Variants in ADK observed in about 807,000 individuals in gnomAD.
ADK encodes adenosine kinase.
A neutral mutation model predicts 44.7 loss-of-function variants in ADK; 24 were observed. The observed-to-expected ratio is 0.54, with a 90% CI of 0.39 to 0.76. The LOEUF (loss-of-function observed/expected upper bound fraction) is 0.76, where lower values mean the gene tolerates loss of function less well. ADK is among the 30% of genes least tolerant of loss of function. The pLI, the probability that ADK is intolerant of heterozygous loss-of-function variation, is 0.00. For synonymous variants in ADK, 128 were observed against 142.6 expected (o/e 0.90, Z 0.73); for missense variants, 321 against 425.1 (o/e 0.76, Z 2.15).
intron 7 of ADK, among the ~76,000 whole-genome samples, chr10:74,558,551 A>C (rs1474042197): frequency 1.3e-5 from 2 of 152,198 alleles, no homozygotes; most frequent in Non-Finnish European, 2.9e-5. Flanking sequence ...ACTGTGTAAG[A>C]TGCACCTTGC....
At chr10:74,639,310 A>G (rs920119727) in intron 9 of ADK, among the ~76,000 whole-genome samples, 1 of 152,198 alleles carries the variant, frequency 6.6e-6, no homozygotes, top group Non-Finnish European at 1.5e-5. Flanking sequence ...ATATCCTTTT[A>G]TACAGCAATT....
chr10:74,233,511 T>C (rs1184310375), intron 3 of ADK, among the ~76,000 whole-genome samples: 2 of 152,190 alleles, frequency 1.3e-5, no homozygotes, highest in African/African-American at 4.8e-5. Context: ...TGGAATGTAA[T>C]GGCTACTGCT....
intron 9 of ADK, among the ~76,000 whole-genome samples, chr10:74,608,530 A>G (rs1182833510): frequency 1.3e-5 from 2 of 151,892 alleles, no homozygotes; most frequent in Non-Finnish European, 2.9e-5. Flanking sequence ...TCCACTCCAG[A>G]CCCTGTTTGC....
chr10:74,667,310 G>A (rs879046341), intron 9 of ADK, among the ~76,000 whole-genome samples: 1 of 152,084 alleles, frequency 6.6e-6, no homozygotes, highest in Admixed American at 6.6e-5. Flanking sequence ...CGCATCTTTT[G>A]CATATATGAT....
rs577689603 is a variant in ADK, at chr10:74,549,372, T to C, written c.726+23946T>C. On this transcript the variant is annotated intron_variant, in intron 7 of 10. Coordinates refer to ENST00000539909, the MANE Select transcript of ADK (RefSeq NM_006721.4). ...AACACTCTTTGGACTATTACACTTA[T>C]ACATCTTTTAAAATCTTTTTATATG... 5.9e-5 allele frequency among the ~76,000 whole-genome samples: 9 copies of C among 152,342 alleles called. No individual in the cohort carries two copies. In the South Asian group the frequency reaches 1.4e-3, roughly 25 times the overall value.
intron 6 of ADK, among the ~76,000 whole-genome samples, chr10:74,455,137 A>C (rs1845899079): frequency 6.6e-6 from 1 of 152,196 alleles, no homozygotes. Flanking sequence ...TATAAGGATA[A>C]AATGAGACAA....
intron 4 of ADK, among the ~76,000 whole-genome samples, chr10:74,342,863 T>C (rs1211821081): frequency 6.6e-6 from 1 of 151,764 alleles, no homozygotes; most frequent in East Asian, 1.9e-4. Context: ...CTTACTTAGC[T>C]CTAATATTTT....
Position 74,162,788 on chromosome 10 carries a change from C to G in ADK, c.65+11445C>G, listed in dbSNP as rs369423149. Among the ~76,000 whole-genome samples, 38 of 152,172 alleles carry G rather than the reference C, an allele frequency of 2.5e-4. 1 individual carries two copies. The Middle Eastern group carries it at 0.01, about 41-fold the overall frequency. ...GAACTCCTAACCTCAAGTGATCTGCCTGGCTTGGCCTCCCAAAGTTCTGGG... is the reference window on the plus strand; with the variant it reads ...GAACTCCTAACCTCAAGTGATCTGCGTGGCTTGGCCTCCCAAAGTTCTGGG... On this transcript the variant is annotated intron_variant, in intron 1 of 10. Transcript: ENST00000539909.
chr10:74,360,888 C>T (rs1300690157), intron 4 of ADK, among the ~76,000 whole-genome samples: 2 of 152,096 alleles, frequency 1.3e-5, no homozygotes, highest in African/African-American at 4.8e-5. Context: ...TTTTTAAAAT[C>T]CATTCACCCA....
At chr10:74,218,479 G>A (rs1410845781) in intron 2 of ADK, among the ~76,000 whole-genome samples, 1 of 152,140 alleles carries the variant, frequency 6.6e-6, no homozygotes, top group South Asian at 2.1e-4. Flanking sequence ...CTGCAATCTA[G>A]CAAGGCAGCC....
At chr10:74,472,832 A>G in intron 6 of ADK, among the ~76,000 whole-genome samples, 1 of 151,828 alleles carries the variant, frequency 6.6e-6, no homozygotes, top group East Asian at 1.9e-4. Context: ...TCCATACTCT[A>G]TTTTGTCTTT....
intron 6 of ADK, among the ~76,000 whole-genome samples, chr10:74,504,394 G>A (rs376394971): frequency 4.0e-5 from 6 of 151,856 alleles, no homozygotes; most frequent in African/African-American, 1.5e-4. Flanking sequence ...GGGGTTAGAG[G>A]CACTCCCCTC....
At chr10:74,308,719 C>G (rs1163440974) in intron 3 of ADK, among the ~76,000 whole-genome samples, 1 of 152,080 alleles carries the variant, frequency 6.6e-6, no homozygotes, top group Non-Finnish European at 1.5e-5. Flanking sequence ...AATCACATGT[C>G]CTATTCTTCA....
In ADK at chr10:74,418,044, G is replaced by A. The variant is rs959236433; in HGVS notation, c.555+19465G>A. 2.0e-5 allele frequency among the ~76,000 whole-genome samples: 3 copies of A among 151,988 alleles called. No homozygotes were observed. In the East Asian group the frequency reaches 5.8e-4, roughly 29 times the overall value. Reference sequence around the variant, plus strand: ...GAAAGAAACAGCTAAAAGATACATAGGTTATTTTGCTTTTTAAAATTTTAG... The same window carrying A: ...GAAAGAAACAGCTAAAAGATACATAAGTTATTTTGCTTTTTAAAATTTTAG... On this transcript the variant is annotated intron_variant, in intron 6 of 10. Transcript: ENST00000539909.
At chr10:74,151,709 G>A (rs1173286149) in intron 1 of ADK, among the ~76,000 whole-genome samples, 1 of 152,232 alleles carries the variant, frequency 6.6e-6, no homozygotes, top group African/African-American at 2.4e-5. Flanking sequence ...GGGGGATGGC[G>A]GGAAAGAGGC....
chr10:74,242,354 G>A (rs1845243730), intron 3 of ADK, among the ~76,000 whole-genome samples: 1 of 152,182 alleles, frequency 6.6e-6, no homozygotes, highest in African/African-American at 2.4e-5. Flanking sequence ...ATAAGGGAAT[G>A]GGCTTATATC....
intron 4 of ADK, among the ~76,000 whole-genome samples, chr10:74,359,535 G>A (rs144762955): frequency 5.1e-4 from 78 of 152,054 alleles, no homozygotes; most frequent in African/African-American, 1.8e-3. Context: ...TGGCGTGACC[G>A]TCCCTACAAA....
chr10:74,303,585 GTTGTTTTTTTTTTTT>G lies in ADK; in HGVS notation c.195-11079_195-11065del, dbSNP rs1048422762. On this transcript the variant is annotated intron_variant, in intron 3 of 10. Transcript: ENST00000539909. ...AAACACTTTTCATATTGGTTTTAAT[GTTGTTTTTTTTTTTT>G]TTTTTTTTTTTTTTGCTAGAAAGGC... is the stretch of plus-strand genomic sequence containing the variant. Among the ~76,000 whole-genome samples the G allele has an allele frequency of 9.3e-5, 6 of 64,648 alleles. 1 individual carries two copies. Among genetic ancestry groups the G allele is most frequent in the South Asian group, 4.9e-4 (1 of 2,024 alleles). 42.4% of individuals were successfully genotyped at this position (64,648 alleles called of 152,430 possible). A position where few individuals can be genotyped will look rare whatever the true frequency, so the allele number is the denominator to read the frequency against.
At chr10:74,651,250 T>G (rs1451982597) in intron 9 of ADK, among the ~76,000 whole-genome samples, 1 of 152,150 alleles carries the variant, frequency 6.6e-6, no homozygotes, top group Non-Finnish European at 1.5e-5. Flanking sequence ...TTCTTCTTAA[T>G]CTAATAGGCA....
Sources: gnomAD v4.1 joint callset for allele counts (sites outside exome capture counted in the v4.1 genomes callset) on GRCh38, gnomAD v4.1.1 for gene constraint, MANE v1.5 for transcripts, NCBI Gene and HGNC (gene_info 2026-07-23, HGNC 2026-07-21) for gene names.